The following TUT4 variants were observed in gnomAD, a reference collection of about 807,000 sequenced individuals.
TUT4 encodes terminal uridylyltransferase 4.
In TUT4, 36 loss-of-function variants were observed where a neutral mutation model predicts 192.2. The observed-to-expected ratio is 0.19, with a 90% confidence interval of 0.14 to 0.25. The LOEUF (loss-of-function observed/expected upper bound fraction) is 0.25, where lower values mean the gene tolerates loss of function less well. Ranked by LOEUF, TUT4 falls within the 10% of genes least tolerant of loss-of-function variation. The probability of loss-of-function intolerance (pLI) is 1.00; values close to 1 mark genes in which losing one functional copy is unlikely to be tolerated. For missense variants in TUT4, 1,493 were observed against 1,957.2 expected, an observed-to-expected ratio of 0.76 and a Z score of 4.47; for synonymous variants, 618 against 666.0, an observed-to-expected ratio of 0.93 and a Z score of 1.11.
At chr1:52,487,553 G>C (rs1670119322) in intron 9 of TUT4, among the ~76,000 whole-genome samples, 1 of 152,122 alleles carries the variant, frequency 6.6e-6, no homozygotes, top group Non-Finnish European at 1.5e-5. Context: ...ATAAATGAGA[G>C]GAAGTAGTCA....
At chr1:52,510,686 C>A (rs1052752389) in intron 3 of TUT4, among the ~76,000 whole-genome samples, 1 of 152,140 alleles carries the variant, frequency 6.6e-6, no homozygotes, top group Non-Finnish European at 1.5e-5. Context: ...TTGTTATGTG[C>A]CAGGCACTAT....
chr1:52,468,182 A>G lies in TUT4; in HGVS notation c.2964T>C (p.Asp988=). The G allele has an allele frequency of 6.2e-7, 1 of 1,606,092 alleles. No homozygotes were observed. The change falls in exon 15 of 30, where the codon GAT becomes GAC. Residue 988 remains aspartate (D), a splice_region_variant and synonymous_variant. Transcript: ENST00000257177. ...TAAATTTTTTAACCTATGACATACC[A>G]TCATATTCTTTTTGAATAAACTTTT... ...GLEKFIQKEY[D]EKARLCLFGS...
intron 1 of TUT4, among the ~76,000 whole-genome samples, chr1:52,533,815 A>C (rs928483785): frequency 1.3e-5 from 2 of 152,088 alleles, no homozygotes; most frequent in Non-Finnish European, 2.9e-5. Flanking sequence ...ATACAAAAAA[A>C]TTTAGCCAGG....
At chr1:52,493,105 C>T in intron 7 of TUT4, among the ~76,000 whole-genome samples, 1 of 152,104 alleles carries the variant, frequency 6.6e-6, no homozygotes, top group East Asian at 1.9e-4. Context: ...ATTTTCCAGA[C>T]GGAGTTTCAC....
chr1:52,480,196 G>A (rs1668161725), intron 11 of TUT4, among the ~76,000 whole-genome samples: 1 of 151,956 alleles, frequency 6.6e-6, no homozygotes, highest in Non-Finnish European at 1.5e-5. Flanking sequence ...AAGAAAAAAG[G>A]GATCGTGAAC....
intron 10 of TUT4, 62 bp downstream of exon 10, chr1:52,481,742 A>G: frequency 6.5e-7 from 1 of 1,546,342 alleles, no homozygotes; most frequent in Non-Finnish European, 8.7e-7. Context: ...GTTTGAGCAG[A>G]GTTCTCTGCA....
intron 13 of TUT4, among the ~76,000 whole-genome samples, chr1:52,473,490 T>C (rs182139220): frequency 1.3e-5 from 2 of 152,326 alleles, no homozygotes; most frequent in African/African-American, 4.8e-5. Context: ...GTTTGTGGCA[T>C]TGACAGTGAT....
intron 4 of TUT4, among the ~76,000 whole-genome samples, chr1:52,502,185 A>G (rs1227600138): frequency 6.6e-6 from 1 of 151,808 alleles, no homozygotes; most frequent in Non-Finnish European, 1.5e-5. Context: ...AAGACAATGC[A>G]ACATGTTCTT....
chr1:52,540,368 T>C (rs1686231596), intron 1 of TUT4, among the ~76,000 whole-genome samples: 1 of 150,936 alleles, frequency 6.6e-6, no homozygotes, highest in African/African-American at 2.4e-5. Context: ...GACAAAAAAA[T>C]TGCAGGGTGT....
intron 14 of TUT4, among the ~76,000 whole-genome samples, chr1:52,471,236 C>T (rs1356814635): frequency 1.3e-5 from 2 of 152,010 alleles, no homozygotes; most frequent in Admixed American, 6.6e-5. Context: ...AGGCTGGTCT[C>T]GAACTCCTGA....
intron 4 of TUT4, among the ~76,000 whole-genome samples, chr1:52,499,890 A>T (rs1162210525): frequency 4.6e-5 from 7 of 151,746 alleles, no homozygotes; most frequent in Admixed American, 4.6e-4. Context: ...GGCCAACATG[A>T]TGAAACCCCG....
At chr1:52,436,213 C>T (rs548163553) in intron 26 of TUT4, among the ~76,000 whole-genome samples, 12 of 152,206 alleles carry the variant, frequency 7.9e-5, no homozygotes, top group Admixed American at 3.9e-4. Context: ...AGGCTGGGCA[C>T]GGTGGCTCAC....
At chr1:52,472,154 T>A (rs774775862) in intron 13 of TUT4, 52 bp from the exon 14 acceptor site, 15 of 1,551,420 alleles carry the variant, frequency 9.7e-6, no homozygotes, top group East Asian at 2.3e-5. Context: ...AGGGACTTCA[T>A]CACTTAGGAA....
intron 16 of TUT4, 178 bp from the exon 17 acceptor site, chr1:52,461,947 T>C (rs993738859): frequency 2.3e-6 from 1 of 441,170 alleles, no homozygotes; most frequent in South Asian, 3.4e-5. Context: ...GGAAACTTGA[T>C]AGAAATGCAG....
intron 1 of TUT4, among the ~76,000 whole-genome samples, chr1:52,536,303 T>C (rs956973778): frequency 6.6e-6 from 1 of 152,206 alleles, no homozygotes; most frequent in Non-Finnish European, 1.5e-5. Context: ...GCTGGCATTA[T>C]TCAAACTAGG....
At chr1:52,461,814 GT>G (rs1662643860) in intron 16 of TUT4, 45 bp from the exon 17 acceptor site, 6 of 1,112,292 alleles carry the variant, frequency 5.4e-6, no homozygotes, top group Non-Finnish European at 7.7e-6. Flanking sequence ...ATTTCACCTT[GT>G]GCAAATTCTA....
At chr1:52,462,401 T>G (rs1034886203) in intron 16 of TUT4, 1 of 152,156 alleles carries the variant, frequency 6.6e-6, no homozygotes, top group South Asian at 2.1e-4. Flanking sequence ...TTCACCAGGA[T>G]GGTCTCGATC....
At chr1:52,446,486 C>G (rs756559214) in intron 21 of TUT4, 44 bp from the exon 22 acceptor site, 3 of 1,561,834 alleles carry the variant, frequency 1.9e-6, no homozygotes, top group Middle Eastern at 3.5e-4. Context: ...CTATACAGTA[C>G]TATCCAAAAC....
intron 8 of TUT4, 136 bp downstream of exon 8, chr1:52,490,596 A>T (rs1670912349): frequency 1.7e-6 from 1 of 597,436 alleles, no homozygotes; most frequent in African/African-American, 1.9e-5. Context: ...GCTATTTTTA[A>T]TGAATAGAAA....
Sources: gnomAD v4.1 joint callset for allele counts (sites outside exome capture counted in the v4.1 genomes callset) on GRCh38, gnomAD v4.1.1 for gene constraint, MANE v1.5 for transcripts, NCBI Gene and HGNC (gene_info 2026-07-23, HGNC 2026-07-21) for gene names.